GPR158: variants seen among roughly 807,000 people sequenced by gnomAD.
GPR158 encodes the protein metabotropic glycine receptor.
Under a neutral mutation model 78.2 loss-of-function variants are expected in GPR158, and 30 were observed. That is an observed-to-expected ratio of 0.38 (90% CI 0.29 to 0.52). The LOEUF is 0.52. GPR158 is among the 20% of genes least tolerant of loss of function. The pLI is 0.83. For synonymous variants in GPR158, 581 were observed against 591.1 expected (o/e 0.98, Z 0.25); for missense variants, 1,463 against 1,523.5 (o/e 0.96, Z 0.66).
At chr10:25,320,982 G>T (rs1328891063) in intron 2 of GPR158, among the ~76,000 whole-genome samples, 1 of 152,148 alleles carries the variant, frequency 6.6e-6, no homozygotes, top group Non-Finnish European at 1.5e-5. Flanking sequence ...ACACATACTG[G>T]ATTCCTTGAA....
intron 7 of GPR158, among the ~76,000 whole-genome samples, chr10:25,585,626 C>A (rs1434198981): frequency 6.6e-6 from 1 of 152,224 alleles, no homozygotes; most frequent in East Asian, 1.9e-4. Flanking sequence ...GAAATTCTAG[C>A]TCCCACTAGA....
At chr10:25,218,001 A>G (rs1853242379) in intron 1 of GPR158, among the ~76,000 whole-genome samples, 1 of 152,122 alleles carries the variant, frequency 6.6e-6, no homozygotes, top group Non-Finnish European at 1.5e-5. Context: ...CAGAGGGCAC[A>G]GGCGCGATGG....
At chr10:25,409,673 G>A (rs1834560064) in intron 3 of GPR158, among the ~76,000 whole-genome samples, 1 of 152,104 alleles carries the variant, frequency 6.6e-6, no homozygotes, top group Non-Finnish European at 1.5e-5. Context: ...CTCCAACTAT[G>A]CTCTTGATTA....
intron 2 of GPR158, among the ~76,000 whole-genome samples, chr10:25,269,160 G>A (rs375609519): frequency 1.5e-4 from 23 of 152,244 alleles, no homozygotes; most frequent in East Asian, 7.7e-4. Flanking sequence ...ACAATAAATC[G>A]TATTAATTAA....
intron 2 of GPR158, among the ~76,000 whole-genome samples, chr10:25,330,831 T>C (rs1393157805): frequency 6.6e-6 from 1 of 152,220 alleles, no homozygotes; most frequent in Non-Finnish European, 1.5e-5. Flanking sequence ...TTTTCCTTAG[T>C]AGAAGGACTT....
rs200866044 is a variant in GPR158, at chr10:25,359,069, C to T, written c.1009-36842C>T. Among the ~76,000 whole-genome samples the T allele has an allele frequency of 1.6e-4, 24 of 151,928 alleles. 1 individual carries two copies. The East Asian group carries it at 2.3e-3, about 15-fold the overall frequency. On this transcript the variant is annotated intron_variant, in intron 2 of 10. Transcript: ENST00000376351. ...TATTGAGAGGGGAGTCTTGAAGCCT[C>T]TTGTTATCATTGATAAATTTTTATT...
At chr10:25,273,531 T>C (rs936019583) in intron 2 of GPR158, among the ~76,000 whole-genome samples, 4 of 152,112 alleles carry the variant, frequency 2.6e-5, no homozygotes, top group Admixed American at 2.6e-4. Context: ...TGAGGTAATT[T>C]GCACCTACTA....
intron 2 of GPR158, among the ~76,000 whole-genome samples, chr10:25,346,514 C>T: frequency 6.6e-6 from 1 of 151,946 alleles, no homozygotes; most frequent in African/African-American, 2.4e-5. Context: ...ATTGAGCATC[C>T]TTAGGTGCAC....
At chr10:25,200,861 TTG>T (rs1241376268) in intron 1 of GPR158, among the ~76,000 whole-genome samples, 2 of 138,250 alleles carry the variant, frequency 1.4e-5, no homozygotes, top group Non-Finnish European at 3.0e-5. Flanking sequence ...TATCTGTTTT[TTG>T]TTTTGTTTTT....
chr10:25,323,923 C>T (rs942019292), intron 2 of GPR158, among the ~76,000 whole-genome samples: 7 of 152,212 alleles, frequency 4.6e-5, no homozygotes, highest in Admixed American at 6.5e-5. Flanking sequence ...CCTTAAACCT[C>T]GTGAACCAAC....
At chr10:25,275,074 A>G (rs993966693) in intron 2 of GPR158, among the ~76,000 whole-genome samples, 1 of 152,228 alleles carries the variant, frequency 6.6e-6, no homozygotes, top group Non-Finnish European at 1.5e-5. Flanking sequence ...TTCTGATTAT[A>G]TAGCCTGTTG....
chr10:25,299,213 A>G (rs939289405), intron 2 of GPR158, among the ~76,000 whole-genome samples: 5 of 152,110 alleles, frequency 3.3e-5, no homozygotes, highest in African/African-American at 1.2e-4. Flanking sequence ...CATGTTCACC[A>G]TCTCACACTT....
chr10:25,393,615 T>A (rs551788615), intron 2 of GPR158: 1 of 152,286 alleles, frequency 6.6e-6, no homozygotes, highest in Admixed American at 6.5e-5. Flanking sequence ...CCTGATAGTA[T>A]GTTTAGAGGT....
Position 25,289,021 on chromosome 10 carries a change from C to A in GPR158, c.1008+67864C>A, listed in dbSNP as rs955652693. Among the ~76,000 whole-genome samples, 8 of 152,292 alleles carry A rather than the reference C, an allele frequency of 5.3e-5. No homozygotes were observed. The South Asian group carries it at 6.2e-4, about 12-fold the overall frequency. ...TAGTAGCATGTAGAGGGACAGAAGT[C>A]AGAAAACTTGAATTGTTTATCATGT... On this transcript the variant is annotated intron_variant, in intron 2 of 10. Transcript: ENST00000376351.
intron 1 of GPR158, among the ~76,000 whole-genome samples, chr10:25,215,510 ATTGTG>A (rs1211417225): frequency 6.6e-6 from 1 of 152,020 alleles, no homozygotes; most frequent in African/African-American, 2.4e-5. Context: ...AAGATGGTAA[ATTGTG>A]TTATGTATAT....
chr10:25,202,035 C>T (rs1473906564), intron 1 of GPR158, among the ~76,000 whole-genome samples: 2 of 152,020 alleles, frequency 1.3e-5, no homozygotes, highest in Non-Finnish European at 2.9e-5. Context: ...GGAATAGTTT[C>T]AGTAGGAATG....
At chr10:25,287,914 T>A (rs1298508088) in intron 2 of GPR158, among the ~76,000 whole-genome samples, 1 of 152,116 alleles carries the variant, frequency 6.6e-6, no homozygotes, top group African/African-American at 2.4e-5. Context: ...TGGGAGAATA[T>A]GAAAATGTAG....
chr10:25,309,493 T>C (rs189810574), intron 2 of GPR158, among the ~76,000 whole-genome samples: 142 of 152,302 alleles, frequency 9.3e-4, no homozygotes, highest in African/African-American at 3.2e-3. Flanking sequence ...TTTTCTGTTA[T>C]TCCTTTACAT....
intron 5 of GPR158, chr10:25,475,941 C>G (rs961508107): frequency 2.0e-5 from 3 of 152,078 alleles, no homozygotes; most frequent in African/African-American, 4.8e-5. Flanking sequence ...TTCAGATTTG[C>G]AAGAATTAAG....
Sources: allele counts gnomAD v4.1 joint callset (sites outside exome capture counted in the v4.1 genomes callset), GRCh38; gene constraint gnomAD v4.1.1; transcripts MANE v1.5; gene names NCBI Gene and HGNC (gene_info 2026-07-23, HGNC 2026-07-21).